The following HTR1E variants were observed in gnomAD, a reference collection of about 807,000 sequenced individuals.
HTR1E encodes the protein 5-hydroxytryptamine receptor 1E.
In HTR1E, 3 loss-of-function variants were observed where a neutral mutation model predicts 3.4. That is an observed-to-expected ratio of 0.89 (90% CI 0.41 to 2.31). The LOEUF (loss-of-function observed/expected upper bound fraction) is 2.31, where lower values mean the gene tolerates loss of function less well. HTR1E is among the 30% of genes most tolerant of loss of function. The pLI, the probability that HTR1E is intolerant of heterozygous loss-of-function variation, is 0.05. For missense variants in HTR1E, 392 were observed against 467.0 expected, an observed-to-expected ratio of 0.84 and a Z score of 1.48; for synonymous variants, 170 against 182.8, an observed-to-expected ratio of 0.93 and a Z score of 0.56.
intron 1 of HTR1E, chr6:86,971,009 A>C (rs1767544654): frequency 2.2e-6 from 1 of 454,944 alleles, no homozygotes; most frequent in Admixed American, 2.4e-5. Flanking sequence ...ATCTGCTTGG[A>C]GGATCTGATT....
At chr6:87,008,493 A>G (rs1355669610) in intron 1 of HTR1E, among the ~76,000 whole-genome samples, 1 of 152,236 alleles carries the variant, frequency 6.6e-6, no homozygotes, top group African/African-American at 2.4e-5. Flanking sequence ...AGAAGAGACG[A>G]AAGAATATTT....
intron 1 of HTR1E, among the ~76,000 whole-genome samples, chr6:86,969,515 G>C (rs1467287916): frequency 6.6e-6 from 1 of 152,030 alleles, no homozygotes; most frequent in Non-Finnish European, 1.5e-5. Context: ...ATTATTTTCC[G>C]CCATGTACTT....
chr6:87,005,520 G>A (rs1056404549), intron 1 of HTR1E, among the ~76,000 whole-genome samples: 50 of 152,134 alleles, frequency 3.3e-4, no homozygotes, highest in African/African-American at 1.0e-3. Flanking sequence ...GCTGCCGGGA[G>A]AACTGGCAGC....
intron 1 of HTR1E, among the ~76,000 whole-genome samples, chr6:86,975,957 T>C (rs1432342402): frequency 6.6e-6 from 1 of 151,554 alleles, no homozygotes; most frequent in African/African-American, 2.4e-5. Flanking sequence ...ACTCTCTCTC[T>C]CTCTCCCATT....
intron 1 of HTR1E, among the ~76,000 whole-genome samples, chr6:86,948,810 T>C (rs1250770585): frequency 6.6e-6 from 1 of 152,022 alleles, no homozygotes; most frequent in Non-Finnish European, 1.5e-5. Flanking sequence ...AGTTGAGAGG[T>C]GTTCAGGTGC....
At chr6:87,003,038 A>G (rs1332507853) in intron 1 of HTR1E, among the ~76,000 whole-genome samples, 1 of 152,220 alleles carries the variant, frequency 6.6e-6, no homozygotes, top group Non-Finnish European at 1.5e-5. Context: ...TCTCTTCAGC[A>G]CATGGATCAT....
chr6:86,976,288 G>A (rs1472229682), intron 1 of HTR1E, among the ~76,000 whole-genome samples: 1 of 152,176 alleles, frequency 6.6e-6, no homozygotes, highest in Non-Finnish European at 1.5e-5. Context: ...TGAAAAGAAA[G>A]TAGTGGGAGT....
chr6:86,983,597 T>C (rs1386395423), intron 1 of HTR1E, among the ~76,000 whole-genome samples: 1 of 152,190 alleles, frequency 6.6e-6, no homozygotes, highest in Non-Finnish European at 1.5e-5. Flanking sequence ...TAGAGCTTGA[T>C]ACCACAATAG....
chr6:87,004,164 G>A (rs868502008), intron 1 of HTR1E, among the ~76,000 whole-genome samples: 3 of 152,200 alleles, frequency 2.0e-5, no homozygotes, highest in South Asian at 4.1e-4. Flanking sequence ...TTCACTGCTC[G>A]ATTTTACCAA....
intron 1 of HTR1E, among the ~76,000 whole-genome samples, chr6:87,009,337 G>A (rs1202140009): frequency 6.6e-6 from 1 of 151,328 alleles, no homozygotes; most frequent in Non-Finnish European, 1.5e-5. Context: ...GTTTAACCCT[G>A]AGTGGACACA....
At chr6:86,971,288 A>T (rs1237387952) in intron 1 of HTR1E, 5 of 287,438 alleles carry the variant, frequency 1.7e-5, no homozygotes, top group Non-Finnish European at 3.3e-5. Flanking sequence ...ATAACAGCAC[A>T]TATCAAATAC....
intron 1 of HTR1E, among the ~76,000 whole-genome samples, chr6:86,983,063 CTT>C (rs749631157): frequency 6.6e-6 from 1 of 152,130 alleles, no homozygotes; most frequent in Non-Finnish European, 1.5e-5. Context: ...AAATTTATCT[CTT>C]GTTTTCTATA....
intron 1 of HTR1E, among the ~76,000 whole-genome samples, chr6:86,992,703 C>T (rs1232242321): frequency 6.6e-6 from 1 of 152,150 alleles, no homozygotes; most frequent in Non-Finnish European, 1.5e-5. Context: ...AATGTGCAAG[C>T]ACTTTGGCAA....
chr6:87,003,258 C>G (rs1242206060), intron 1 of HTR1E, among the ~76,000 whole-genome samples: 3 of 152,162 alleles, frequency 2.0e-5, no homozygotes, highest in Non-Finnish European at 4.4e-5. Flanking sequence ...GAAATTGAGG[C>G]CAGGCACAGT....
chr6:86,966,292 G>C (rs184920290), intron 1 of HTR1E, among the ~76,000 whole-genome samples: 1 of 152,086 alleles, frequency 6.6e-6, no homozygotes, highest in African/African-American at 2.4e-5. Context: ...AAAGTAAGAA[G>C]GAAATAATTG....
chr6:87,006,233 A>AT (rs1387099312), intron 1 of HTR1E, among the ~76,000 whole-genome samples: 10 of 152,212 alleles, frequency 6.6e-5, no homozygotes, highest in African/African-American at 2.4e-4. Context: ...TGCTAAGTAT[A>AT]TACTCAAAGG....
At chr6:87,014,621 C>A (rs976687093) in intron 1 of HTR1E, among the ~76,000 whole-genome samples, 2 of 152,104 alleles carry the variant, frequency 1.3e-5, no homozygotes, top group Non-Finnish European at 1.5e-5. Flanking sequence ...GAATACTATG[C>A]AGCCATAAAA....
chr6:86,972,281 AT>A (rs1767568729), intron 1 of HTR1E, among the ~76,000 whole-genome samples: 1 of 152,030 alleles, frequency 6.6e-6, no homozygotes, highest in South Asian at 2.1e-4. Context: ...TTCTTTATGC[AT>A]TTTTTCATCC....
intron 1 of HTR1E, among the ~76,000 whole-genome samples, chr6:86,995,337 C>T (rs13213923): frequency 0.028 from 3,810 of 138,050 alleles, 65 homozygotes; most frequent in Middle Eastern, 0.062. Context: ...GGTCTACATA[C>T]GAATGAAAGA....
Sources: allele counts gnomAD v4.1 joint callset (sites outside exome capture counted in the v4.1 genomes callset), GRCh38; gene constraint gnomAD v4.1.1; transcripts MANE v1.5; gene names NCBI Gene and HGNC (gene_info 2026-07-23, HGNC 2026-07-21).